The following DNAH7 variants were observed in gnomAD, a reference collection of about 807,000 sequenced individuals.
DNAH7 encodes dynein axonemal heavy chain 7.
A neutral mutation model predicts 444.6 loss-of-function variants in DNAH7; 397 were observed. The ratio of observed to expected loss-of-function variants is 0.89; its 90% CI spans 0.82 to 0.97. DNAH7 has a LOEUF of 0.97. Among genes scored for constraint, DNAH7 ranks in the 50% least tolerant of loss-of-function variants. The pLI, the probability that DNAH7 is intolerant of heterozygous loss-of-function variation, is 0.00. For missense variants in DNAH7, 4,902 were observed against 4,800.8 expected (o/e 1.02, Z -0.62); for synonymous variants, 1,636 against 1,624.4 (o/e 1.01, Z -0.17).
chr2:195,989,172 T>A (rs1399736415), intron 12 of DNAH7, among the ~76,000 whole-genome samples: 1 of 152,204 alleles, frequency 6.6e-6, no homozygotes, highest in Non-Finnish European at 1.5e-5. Context: ...CTCTTCAACA[T>A]ACTGATTTCC....
chr2:195,872,237 C>T lies in DNAH7; in HGVS notation c.6633+13G>A. The T allele has an allele frequency of 6.3e-7, 1 of 1,590,416 alleles. No homozygotes were observed. Among genetic ancestry groups the T allele is most frequent in the Non-Finnish European group, 8.6e-7 (1 of 1,163,166 alleles). Reference sequence around the variant, plus strand: ...TTCTCACATAATCCCATTTCAATAACAGGAAAATTTACCTCATGAACCCAA... The same window carrying T: ...TTCTCACATAATCCCATTTCAATAATAGGAAAATTTACCTCATGAACCCAA... On this transcript the variant is annotated intron_variant, in intron 40 of 64. Coordinates refer to ENST00000312428, the MANE Select transcript of DNAH7 (RefSeq NM_018897.3).
At chr2:196,049,019 A>T (rs1174934701) in intron 3 of DNAH7, among the ~76,000 whole-genome samples, 1 of 152,198 alleles carries the variant, frequency 6.6e-6, no homozygotes, top group Non-Finnish European at 1.5e-5. Flanking sequence ...GCTCAAGCCA[A>T]TTATTGCAAT....
At chr2:195,738,319 T>C (rs930327420) in intron 64 of DNAH7, among the ~76,000 whole-genome samples, 192 bp from the exon 65 acceptor site, 1 of 152,222 alleles carries the variant, frequency 6.6e-6, no homozygotes, top group African/African-American at 2.4e-5. Flanking sequence ...AAAAAATAGT[T>C]TTCGCCTTCT....
intron 19 of DNAH7, among the ~76,000 whole-genome samples, chr2:195,956,513 T>C (rs1483437605): frequency 6.6e-6 from 1 of 152,082 alleles, no homozygotes; most frequent in African/African-American, 2.4e-5. Flanking sequence ...TAGCTGGGCA[T>C]GGTGGCACAC....
chr2:196,037,705 GAA>G (rs1235874493), intron 5 of DNAH7, among the ~76,000 whole-genome samples: 12 of 152,060 alleles, frequency 7.9e-5, no homozygotes, highest in Non-Finnish European at 1.8e-4. Context: ...CAATAAAAAT[GAA>G]TCAAAAAGAA....
intron 29 of DNAH7, among the ~76,000 whole-genome samples, chr2:195,895,480 C>T (rs1021241112): frequency 2.6e-5 from 4 of 152,118 alleles, no homozygotes; most frequent in Non-Finnish European, 5.9e-5. Flanking sequence ...CTGGCTCTTG[C>T]TCAGGCTGGA....
At chr2:195,770,470 T>G (rs1694782578) in intron 61 of DNAH7, among the ~76,000 whole-genome samples, 1 of 152,150 alleles carries the variant, frequency 6.6e-6, no homozygotes, top group African/African-American at 2.4e-5. Flanking sequence ...AATCAGCCTT[T>G]CTACTTGTGT....
At position 195,923,784 on chromosome 2, in the gene DNAH7, T is replaced by A. The variant is rs1268308603; in HGVS notation, c.3636A>T (p.Thr1212=). 3 of 1,614,008 alleles carry A rather than the reference T, an allele frequency of 1.9e-6. No individual in the cohort carries two copies. In the Admixed American group the frequency reaches 5.0e-5, roughly 27 times the overall value. The part of the protein sequence containing the change: ...GIKALEQYLK[T]CNRQIDDIVT... ...CAATATCATCAATTTGTCTGTTACATGTTTTCAAGTATTGCTCAAGAGCCT... is the reference window on the plus strand; with the variant it reads ...CAATATCATCAATTTGTCTGTTACAAGTTTTCAAGTATTGCTCAAGAGCCT... Residue 1212 remains threonine, a synonymous_variant, in exon 23 of 65, where the codon ACA becomes ACT. Transcript: ENST00000312428.
chr2:196,044,457 G>T (rs1305632437), intron 5 of DNAH7, among the ~76,000 whole-genome samples: 1 of 150,344 alleles, frequency 6.7e-6, no homozygotes, highest in Non-Finnish European at 1.5e-5. Context: ...GGGTGCAGGG[G>T]GGTGAGGGAT....
intron 2 of DNAH7, among the ~76,000 whole-genome samples, chr2:196,053,271 G>A (rs542216937): frequency 2.7e-4 from 41 of 152,308 alleles, no homozygotes; most frequent in Non-Finnish European, 5.3e-4. Flanking sequence ...AGGAGGACAT[G>A]GGTTTCAGGG....
rs746453882 is a variant in DNAH7, at chr2:195,777,994, G to C, written c.10879-9C>G. 2.5e-6 allele frequency: 4 copies of C among 1,584,038 alleles called. No homozygotes were observed. Among genetic ancestry groups the C allele is most frequent in the South Asian group, 1.2e-5 (1 of 86,874 alleles). On this transcript the variant is annotated splice_polypyrimidine_tract_variant and intron_variant, in intron 58 of 64. Coordinates refer to ENST00000312428, the MANE Select transcript of DNAH7 (RefSeq NM_018897.3). Reference sequence around the variant, plus strand: ...GCCTCATACGGCAGTTCCTAAAATAGTGCGTGTCAGTCAACCAGTTATCAG... The same window carrying C: ...GCCTCATACGGCAGTTCCTAAAATACTGCGTGTCAGTCAACCAGTTATCAG...
chr2:196,065,720 C>T (rs1383375548), intron 1 of DNAH7, among the ~76,000 whole-genome samples: 1 of 152,202 alleles, frequency 6.6e-6, no homozygotes, highest in African/African-American at 2.4e-5. Flanking sequence ...AGGAAGCTAC[C>T]ATTCCAAGCG....
At chr2:195,903,722 A>G (rs1686843398) in intron 27 of DNAH7, 1 of 152,144 alleles carries the variant, frequency 6.6e-6, no homozygotes, top group African/African-American at 2.4e-5. Context: ...GGAAATGTCT[A>G]CAACCTTGAA....
chr2:195,781,974 T>TACACACAC (rs1357047428), intron 58 of DNAH7, among the ~76,000 whole-genome samples: 5 of 44,380 alleles, frequency 1.1e-4, no homozygotes, highest in African/African-American at 1.6e-4. Context: ...AGGTGGGTCT[T>TACACACAC]ATACACACAC....
At chr2:196,004,002 A>G (rs894894652) in intron 10 of DNAH7, among the ~76,000 whole-genome samples, 1 of 152,232 alleles carries the variant, frequency 6.6e-6, no homozygotes, top group African/African-American at 2.4e-5. Flanking sequence ...GTTACAGACT[A>G]TTCATAGAAG....
chr2:195,815,990 T>TCAAAA lies in DNAH7; in HGVS notation c.9761+633_9761+637dup, dbSNP rs774963280. Among the ~76,000 whole-genome samples the TCAAAA allele has an allele frequency of 4.9e-4, 75 of 152,224 alleles. 1 individual carries two copies. The highest frequency in any genetic ancestry group is 9.6e-4 in the East Asian group (5 of 5,192). Reference sequence around the variant, plus strand: ...CTGGGCGACAGAGTGAGCCTCCGTCTCAAAACAAAACAAAACAAAACAAAA... The same window carrying TCAAAA: ...CTGGGCGACAGAGTGAGCCTCCGTCTCAAAACAAAACAAAACAAAACAAAACAAAA... On this transcript the variant is annotated intron_variant, in intron 51 of 64. Transcript: ENST00000312428.
At chr2:195,853,321 G>T (rs1448122921) in intron 46 of DNAH7, 22 bp downstream of exon 46, 5 of 1,598,396 alleles carry the variant, frequency 3.1e-6, no homozygotes, top group African/African-American at 2.7e-5. Context: ...GGGTCAGGAA[G>T]AGATGGAATA....
chr2:195,898,863 T>C (rs1686521103), intron 28 of DNAH7, among the ~76,000 whole-genome samples: 1 of 152,268 alleles, frequency 6.6e-6, no homozygotes, highest in African/African-American at 2.4e-5. Context: ...CTCATACCTA[T>C]AATAATGTTC....
At chr2:195,926,606 G>T in intron 21 of DNAH7, 40 bp from the exon 22 acceptor site, 1 of 1,527,166 alleles carries the variant, frequency 6.5e-7, no homozygotes, top group South Asian at 1.3e-5. Flanking sequence ...ACCATTTCCT[G>T]AACAAGTTAT....
Sources: allele counts gnomAD v4.1 joint callset (sites outside exome capture counted in the v4.1 genomes callset), GRCh38; gene constraint gnomAD v4.1.1; transcripts MANE v1.5; gene names NCBI Gene and HGNC (gene_info 2026-07-23, HGNC 2026-07-21).